Variants in FNDC1 observed in about 807,000 individuals in gnomAD.
FNDC1 encodes the protein fibronectin type III domain-containing protein 1.
In FNDC1, 96 loss-of-function variants were observed where a neutral mutation model predicts 168.0. That is an observed-to-expected ratio of 0.57 (90% CI 0.48 to 0.68). The LOEUF (loss-of-function observed/expected upper bound fraction) is 0.68. FNDC1 is among the 30% of genes least tolerant of loss of function. The pLI is 0.00. For missense variants in FNDC1, 2,587 were observed against 2,482.1 expected, an observed-to-expected ratio of 1.04 and a Z score of -0.90; for synonymous variants, 1,099 against 1,025.9, an observed-to-expected ratio of 1.07 and a Z score of -1.36.
chr6:159,255,657 C>T (rs1374134191), intron 17 of FNDC1, among the ~76,000 whole-genome samples: 5 of 152,190 alleles, frequency 3.3e-5, no homozygotes, highest in African/African-American at 1.2e-4. Flanking sequence ...ACTCAGTTTC[C>T]TCATGTGTCA....
chr6:159,253,052 C>T (rs1199034300), intron 17 of FNDC1, among the ~76,000 whole-genome samples: 1 of 152,172 alleles, frequency 6.6e-6, no homozygotes, highest in East Asian at 1.9e-4. Context: ...ACACCCATGC[C>T]TAGGCATTCC....
chr6:159,191,791 A>G (rs1782146706), intron 1 of FNDC1, among the ~76,000 whole-genome samples: 2 of 152,226 alleles, frequency 1.3e-5, no homozygotes, highest in Admixed American at 1.3e-4. Flanking sequence ...GTGCATTTCA[A>G]AGTTAAAATG....
chr6:159,233,799 ACGCCGCGCG>A lies in FNDC1; in HGVS notation c.3292_3300del (p.Ala1098_Ala1100del). 6.5e-7 allele frequency: 1 copy of A among 1,537,542 alleles called. No homozygotes were observed. The highest frequency in any genetic ancestry group is 2.1e-5 in the Admixed American group (1 of 48,720). On this transcript the variant is annotated inframe_deletion, in exon 11 of 23. Transcript: ENST00000297267. The surrounding 1 kb of genome is among the most constrained non-coding windows in gnomAD (Gnocchi z 4.6). ...GCCCAGGATGTGCGGGCCCCCGCGC[ACGCCGCGCG>A]CGCCAAGGAGGCAGCTGCGTCCCTT...
chr6:159,177,837 C>T (rs993454865), intron 1 of FNDC1, among the ~76,000 whole-genome samples: 20 of 152,118 alleles, frequency 1.3e-4, no homozygotes, highest in Admixed American at 7.2e-4. Flanking sequence ...GTGCTTTCAA[C>T]GATCATTTCT....
intron 5 of FNDC1, among the ~76,000 whole-genome samples, chr6:159,219,264 C>T (rs1341564364): frequency 2.0e-5 from 3 of 152,228 alleles, no homozygotes; most frequent in South Asian, 4.1e-4. Context: ...TGGCCTCGAA[C>T]TCCTGACCTC....
intron 11 of FNDC1, 64 bp downstream of exon 11, chr6:159,234,543 G>A: frequency 6.6e-7 from 1 of 1,513,526 alleles, no homozygotes; most frequent in Non-Finnish European, 9.1e-7. Context: ...CAATGCCTAA[G>A]AAGTTTTTAT....
intron 1 of FNDC1, among the ~76,000 whole-genome samples, chr6:159,176,829 A>G (rs1315600216): frequency 6.6e-6 from 1 of 152,034 alleles, no homozygotes; most frequent in Non-Finnish European, 1.5e-5. Flanking sequence ...GCTTTTGTTC[A>G]TTGTTTGGGG....
chr6:159,200,635 C>T, intron 4 of FNDC1, 54 bp downstream of exon 4: 1 of 1,412,654 alleles, frequency 7.1e-7, no homozygotes, highest in Non-Finnish European at 9.8e-7. Flanking sequence ...CATCGTCTCG[C>T]AAGAGAGTTG....
chr6:159,170,680 A>T (rs1781634410), intron 1 of FNDC1, among the ~76,000 whole-genome samples: 1 of 152,194 alleles, frequency 6.6e-6, no homozygotes, highest in South Asian at 2.1e-4. Context: ...CTCTTACTTC[A>T]GGGGTAAAGG....
chr6:159,229,965 G>A lies in FNDC1; in HGVS notation c.1331G>A (p.Gly444Glu). The A allele has an allele frequency of 6.2e-7, 1 of 1,613,878 alleles. No homozygotes were observed. Among genetic ancestry groups the A allele is most frequent in the Non-Finnish European group, 8.5e-7 (1 of 1,179,858 alleles). Residue 444 changes from glycine to glutamate, a missense_variant, in exon 10 of 23, where the codon GGA (glycine) becomes GAA (glutamate). By Grantham distance (98) the Gly-to-Glu change is moderately conservative. Transcript: ENST00000297267. ...KIRATNRRGL[G>E]PHSKAFIVAM... ...CGGGCCACAAACAGGAGAGGCCTGGGACCTCACTCCAAAGCCTTCATTGTC... is the reference window on the plus strand; with the variant it reads ...CGGGCCACAAACAGGAGAGGCCTGGAACCTCACTCCAAAGCCTTCATTGTC...
chr6:159,220,315 G>A (rs1782795284), intron 5 of FNDC1, among the ~76,000 whole-genome samples: 1 of 152,238 alleles, frequency 6.6e-6, no homozygotes, highest in African/African-American at 2.4e-5. Flanking sequence ...CATGTGCAGT[G>A]CCTGAAGGAG....
chr6:159,187,673 A>C (rs112044172), intron 1 of FNDC1, among the ~76,000 whole-genome samples: 158 of 152,248 alleles, frequency 1.0e-3, no homozygotes, highest in African/African-American at 3.8e-3. Flanking sequence ...AACAACCTGG[A>C]CTTCCAGGGT....
chr6:159,185,109 T>C (rs1781968376), intron 1 of FNDC1, among the ~76,000 whole-genome samples: 1 of 151,862 alleles, frequency 6.6e-6, no homozygotes, highest in East Asian at 1.9e-4. Context: ...ACGGTAGCTT[T>C]TGCTTACACT....
chr6:159,193,791 T>G (rs1301998079), intron 1 of FNDC1, among the ~76,000 whole-genome samples: 1 of 152,216 alleles, frequency 6.6e-6, no homozygotes, highest in Non-Finnish European at 1.5e-5. Flanking sequence ...TTGGATAAGT[T>G]CTGGAGTTGG....
At chr6:159,205,805 T>C (rs1413481592) in intron 4 of FNDC1, among the ~76,000 whole-genome samples, 1 of 152,210 alleles carries the variant, frequency 6.6e-6, no homozygotes, top group Non-Finnish European at 1.5e-5. Flanking sequence ...CAAATGGCTG[T>C]TTTCCTATTT....
chr6:159,254,707 CAAAAAAAAA>C (rs61644137), intron 17 of FNDC1, among the ~76,000 whole-genome samples: 1 of 92,632 alleles, frequency 1.1e-5, no homozygotes, highest in South Asian at 3.9e-4. Flanking sequence ...GACTTCGTCT[CAAAAAAAAA>C]AAAAAAAAAA....
rs759244135 is a variant in FNDC1 at position 159,200,078 on chromosome 6, A to G, written c.387A>G (p.Pro129=). The G allele has an allele frequency of 5.0e-6, 8 of 1,592,460 alleles. No homozygotes were observed. The South Asian group carries it at 5.7e-5, about 11-fold the overall frequency. ...VSRPVYRAES[P]PGGEWIEIDG... ...GTCCTGTTTACAGAGCTGAAAGCCCACCTGGTAAGTCCTATCTAGAATCAG... is the reference window on the plus strand; with the variant it reads ...GTCCTGTTTACAGAGCTGAAAGCCCGCCTGGTAAGTCCTATCTAGAATCAG... Residue 129 remains proline (P), a synonymous_variant, in exon 3 of 23, where the codon CCA becomes CCG. Transcript: ENST00000297267.
chr6:159,256,646 T>G lies in FNDC1; in HGVS notation c.5174+15T>G. ...CCCAACACGAGGTACGATGTGTCAG[T>G]CATTTAGAAAAGATGAGATCCATGT... On this transcript the variant is annotated intron_variant, in intron 18 of 22. Transcript: ENST00000297267. 1 of 1,570,950 alleles carries G rather than the reference T, an allele frequency of 6.4e-7. No homozygotes were observed. The highest frequency in any genetic ancestry group is 8.8e-7 in the Non-Finnish European group (1 of 1,141,712).
chr6:159,270,017 C>T (rs1380987655), intron 22 of FNDC1, among the ~76,000 whole-genome samples: 1 of 152,076 alleles, frequency 6.6e-6, no homozygotes. Flanking sequence ...TAGTGAGACC[C>T]CATCTCTACA....
Sources: allele counts gnomAD v4.1 joint callset (sites outside exome capture counted in the v4.1 genomes callset), GRCh38; gene constraint gnomAD v4.1.1; non-coding constraint Gnocchi (gnomAD v3.1); transcripts MANE v1.5; gene names NCBI Gene and HGNC (gene_info 2026-07-23, HGNC 2026-07-21).